KCNQ5: variants seen among roughly 807,000 people sequenced by gnomAD.
The protein encoded by KCNQ5 is potassium voltage-gated channel subfamily Q member 5.
In KCNQ5, 30 loss-of-function variants were observed where a neutral mutation model predicts 98.2. The ratio of observed to expected loss-of-function variants is 0.31; its 90% CI spans 0.23 to 0.41. The LOEUF (loss-of-function observed/expected upper bound fraction) is 0.41, where lower values mean the gene tolerates loss of function less well. Ranked by LOEUF, KCNQ5 falls within the 10% of genes least tolerant of loss-of-function variation. KCNQ5 has a pLI of 1.00. For synonymous variants in KCNQ5, 458 were observed against 449.4 expected (o/e 1.02, Z -0.24); for missense variants, 835 against 1,182.5 (o/e 0.71, Z 4.31).
chr6:73,082,874 T>A (rs2150396710), intron 5 of KCNQ5, among the ~76,000 whole-genome samples: 1 of 146,766 alleles, frequency 6.8e-6, no homozygotes, highest in East Asian at 2.0e-4. Flanking sequence ...AGTCAGCATG[T>A]TCATTACCAA....
intron 1 of KCNQ5, among the ~76,000 whole-genome samples, chr6:72,865,703 T>G (rs1047656971): frequency 6.6e-6 from 1 of 152,218 alleles, no homozygotes; most frequent in African/African-American, 2.4e-5. Context: ...AGTTCCTGAC[T>G]GCATACTTTA....
intron 1 of KCNQ5, among the ~76,000 whole-genome samples, chr6:72,719,672 G>A (rs1298119417): frequency 1.3e-5 from 2 of 152,156 alleles, no homozygotes; most frequent in East Asian, 3.9e-4. Context: ...GTGGCCCAGT[G>A]AGCCCTTTGT....
intron 5 of KCNQ5, among the ~76,000 whole-genome samples, chr6:73,095,521 C>T (rs192393251): frequency 1.6e-4 from 25 of 152,200 alleles, no homozygotes; most frequent in Non-Finnish European, 2.8e-4. Context: ...TTAACAGAAT[C>T]GGTTTCTGGT....
intron 1 of KCNQ5, among the ~76,000 whole-genome samples, chr6:72,793,756 C>G (rs916634906): frequency 1.3e-5 from 2 of 152,222 alleles, no homozygotes; most frequent in African/African-American, 2.4e-5. Context: ...AAGAAAGAAG[C>G]AGGAAACGGA....
At chr6:73,051,065 G>GT (rs1167907949) in intron 3 of KCNQ5, among the ~76,000 whole-genome samples, 8 of 152,192 alleles carry the variant, frequency 5.3e-5, no homozygotes, top group Admixed American at 3.3e-4. Flanking sequence ...GTGTATGAAC[G>GT]TAAGTTTTTA....
chr6:72,781,584 T>A (rs1178794650), intron 1 of KCNQ5, among the ~76,000 whole-genome samples: 1 of 152,186 alleles, frequency 6.6e-6, no homozygotes, highest in Non-Finnish European at 1.5e-5. Flanking sequence ...GATAGATTAA[T>A]CTCATTTGGA....
At chr6:72,779,598 C>G (rs1228686092) in intron 1 of KCNQ5, among the ~76,000 whole-genome samples, 1 of 151,620 alleles carries the variant, frequency 6.6e-6, no homozygotes, top group African/African-American at 2.4e-5. Flanking sequence ...AAGGAATTAC[C>G]GAGGAAAAAA....
chr6:72,983,535 G>A (rs1335175166), intron 1 of KCNQ5, among the ~76,000 whole-genome samples: 1 of 152,024 alleles, frequency 6.6e-6, no homozygotes, highest in Non-Finnish European at 1.5e-5. Context: ...GTCATTTAAG[G>A]TCTTCTCTAC....
At chr6:72,858,559 A>G (rs1777624445) in intron 1 of KCNQ5, among the ~76,000 whole-genome samples, 1 of 151,830 alleles carries the variant, frequency 6.6e-6, no homozygotes, top group Non-Finnish European at 1.5e-5. Context: ...ATTTTTTTTA[A>G]CATTGTTGCT....
chr6:73,087,520 C>T (rs1774036197), intron 5 of KCNQ5, among the ~76,000 whole-genome samples: 1 of 151,884 alleles, frequency 6.6e-6, no homozygotes, highest in Non-Finnish European at 1.5e-5. Flanking sequence ...AGTGGTCTGG[C>T]CTAGAGATAT....
chr6:72,916,724 A>G (rs1267063629), intron 1 of KCNQ5, among the ~76,000 whole-genome samples: 3 of 152,166 alleles, frequency 2.0e-5, no homozygotes, highest in Non-Finnish European at 4.4e-5. Context: ...GTTTTCCTAT[A>G]TAACTACAGT....
chr6:72,871,362 G>C (rs1778198154), intron 1 of KCNQ5, among the ~76,000 whole-genome samples: 1 of 152,176 alleles, frequency 6.6e-6, no homozygotes, highest in East Asian at 1.9e-4. Context: ...AAATGAAGTA[G>C]ATTGCTAGTT....
chr6:72,993,932 G>T (rs1448999148), intron 1 of KCNQ5, among the ~76,000 whole-genome samples: 1 of 94,292 alleles, frequency 1.1e-5, no homozygotes, highest in African/African-American at 5.3e-5. Flanking sequence ...TGAGGTGTCA[G>T]TGTGCCCCTG....
intron 1 of KCNQ5, among the ~76,000 whole-genome samples, chr6:72,765,724 G>A (rs1178460207): frequency 6.6e-6 from 1 of 151,952 alleles, no homozygotes; most frequent in Admixed American, 6.6e-5. Flanking sequence ...TATATTATAA[G>A]CCTGATGAGT....
rs147838332 is a variant in KCNQ5 at position 73,008,413 on chromosome 6, T to C, written c.489+4415T>C. On this transcript the variant is annotated intron_variant, in intron 2 of 13. Coordinates refer to ENST00000370398, the MANE Select transcript of KCNQ5 (RefSeq NM_019842.4). ...CACAAATACATTGACAGTAAAAGGG[T>C]GGAAAAGATATTTTATGCAAATAGT... Among the ~76,000 whole-genome samples, 50 of 152,042 alleles carry C rather than the reference T, an allele frequency of 3.3e-4. No homozygotes were observed. In the East Asian group the frequency reaches 9.7e-3, roughly 29 times the overall value.
At chr6:72,891,553 T>G (rs1481573919) in intron 1 of KCNQ5, among the ~76,000 whole-genome samples, 1 of 152,088 alleles carries the variant, frequency 6.6e-6, no homozygotes, top group Non-Finnish European at 1.5e-5. Context: ...AAACACCATA[T>G]AACTAAAATT....
intron 1 of KCNQ5, among the ~76,000 whole-genome samples, chr6:72,917,338 C>G (rs775110797): frequency 6.6e-6 from 1 of 152,118 alleles, no homozygotes; most frequent in African/African-American, 2.4e-5. Flanking sequence ...TGTAATAACA[C>G]TGTAAGACAT....
rs58798764 is a variant in KCNQ5, at chr6:73,146,626, C to CAAA, written c.1468+13010_1468+13012dup. On this transcript the variant is annotated intron_variant, in intron 10 of 13. Coordinates refer to ENST00000370398, the MANE Select transcript of KCNQ5 (RefSeq NM_019842.4). Reference sequence around the variant, plus strand: ...TGGGCAACAGAACAAGTCCCTGTCTCAAAAAAAAAAAAAAAAAAAAAAAAA... The same window carrying CAAA: ...TGGGCAACAGAACAAGTCCCTGTCTCAAAAAAAAAAAAAAAAAAAAAAAAAAAA... 2.1e-3 allele frequency among the ~76,000 whole-genome samples: 59 copies of CAAA among 28,468 alleles called. 5 individuals carry two copies. Among genetic ancestry groups the CAAA allele is most frequent in the East Asian group, 9.2e-3 (12 of 1,300 alleles). The allele number at this position is 28,468 out of a possible 152,430, so 18.7% of individuals were successfully genotyped here.
chr6:72,667,409 T>G (rs563824391), intron 1 of KCNQ5, among the ~76,000 whole-genome samples: 1 of 152,314 alleles, frequency 6.6e-6, no homozygotes, highest in East Asian at 1.9e-4. Flanking sequence ...TGCCTTTTTT[T>G]GTTTTGAAAG....
Sources: allele counts gnomAD v4.1 joint callset (sites outside exome capture counted in the v4.1 genomes callset), GRCh38; gene constraint gnomAD v4.1.1; transcripts MANE v1.5; gene names NCBI Gene and HGNC (gene_info 2026-07-23, HGNC 2026-07-21).